PCLAF: variants seen among roughly 807,000 people sequenced by gnomAD.
The protein encoded by PCLAF is PCNA clamp associated factor.
PCLAF carries 12 observed loss-of-function variants against 15.1 expected under a neutral mutation model. The ratio of observed to expected loss-of-function variants is 0.79; its 90% CI spans 0.51 to 1.29. PCLAF has a LOEUF of 1.29. Among genes scored for constraint, PCLAF ranks in the 50% most tolerant of loss-of-function variants. The probability of loss-of-function intolerance (pLI) is 0.00; values close to 1 mark genes in which losing one functional copy is unlikely to be tolerated. For synonymous variants in PCLAF, 33 were observed against 47.1 expected (o/e 0.70, Z 1.22); for missense variants, 116 against 130.9 (o/e 0.89, Z 0.56).
intron 2 of PCLAF, among the ~76,000 whole-genome samples, chr15:64,377,855 G>A (rs1706859726): frequency 7.2e-6 from 1 of 138,920 alleles, no homozygotes; most frequent in African/African-American, 2.7e-5. Flanking sequence ...GGATTCAAGT[G>A]ATTCTCCTGC....
chr15:64,387,527 G>C, exon 1 of PCLAF: 1 of 1,311,348 alleles, frequency 7.6e-7, no homozygotes, highest in Non-Finnish European at 9.8e-7. Context: ...CAGCTTTCCG[G>C]GTATTGGTTT....
intron 3 of PCLAF, chr15:64,373,058 A>T (rs1899412821): frequency 6.6e-6 from 1 of 152,212 alleles, no homozygotes; most frequent in African/African-American, 2.4e-5. Context: ...TTAAATTAGG[A>T]TGGCTGAAAC....
At chr15:64,380,930 C>T (rs780875295) in intron 2 of PCLAF, 28 bp downstream of exon 2, 49 of 1,599,170 alleles carry the variant, frequency 3.1e-5, no homozygotes, top group Non-Finnish European at 3.9e-5. Context: ...CAGGACTGAT[C>T]CCCTAACTTT....
chr15:64,372,338 G>A (rs1159465606), intron 3 of PCLAF, among the ~76,000 whole-genome samples: 1 of 152,178 alleles, frequency 6.6e-6, no homozygotes, highest in South Asian at 2.1e-4. Context: ...TGCAGGGCTG[G>A]GTGCGATGGC....
At chr15:64,387,321 G>T in intron 1 of PCLAF, 1 of 396,982 alleles carries the variant, frequency 2.5e-6, no homozygotes, top group South Asian at 5.9e-5. Flanking sequence ...GGCGGAGCTT[G>T]CAGTGAGCCG....
intron 2 of PCLAF, among the ~76,000 whole-genome samples, chr15:64,379,042 T>C (rs1383218463): frequency 6.6e-6 from 1 of 152,196 alleles, no homozygotes; most frequent in Non-Finnish European, 1.5e-5. Context: ...ACCCATTTCA[T>C]ACATCCAATT....
intron 3 of PCLAF, among the ~76,000 whole-genome samples, chr15:64,375,177 T>G (rs547723086): frequency 6.6e-5 from 10 of 152,236 alleles, no homozygotes; most frequent in Non-Finnish European, 1.2e-4. Context: ...CAGGCTGGAG[T>G]GCAGTGGTGC....
At chr15:64,376,159 A>G (rs1899594721) in intron 3 of PCLAF, among the ~76,000 whole-genome samples, 1 of 152,114 alleles carries the variant, frequency 6.6e-6, no homozygotes, top group African/African-American at 2.4e-5. Context: ...TGGGAGGCGG[A>G]GGTTGCAGTG....
chr15:64,379,245 G>C (rs1476844438), intron 2 of PCLAF, among the ~76,000 whole-genome samples: 1 of 152,098 alleles, frequency 6.6e-6, no homozygotes, highest in African/African-American at 2.4e-5. Context: ...GGTAGGCTGA[G>C]GCGGGAGGAT....
chr15:64,385,909 T>C (rs569494875), upstream of PCLAF, among the ~76,000 whole-genome samples: 7 of 151,996 alleles, frequency 4.6e-5, no homozygotes, highest in African/African-American at 1.4e-4. Context: ...ACCTTGAGAC[T>C]TGAAGATTTC....
upstream of PCLAF, chr15:64,382,780 G>A: frequency 4.5e-6 from 1 of 221,712 alleles, no homozygotes; most frequent in Non-Finnish European, 9.2e-6. Context: ...TTCGAGACCA[G>A]CGTGGGCAAC....
chr15:64,387,306 C>G (rs1421835068), intron 1 of PCLAF: 3 of 307,984 alleles, frequency 9.7e-6, no homozygotes, highest in Non-Finnish European at 1.5e-5. Context: ...GGCATGAACC[C>G]GGGAGGCGGA....
Position 64,381,395 on chromosome 15 carries a change from G to T in PCLAF, c.-24C>A, listed in dbSNP as rs778101576. On this transcript the variant is annotated 5_prime_UTR_variant, in exon 1 of 4. Transcript: ENST00000300035. The stretch of plus-strand genomic sequence containing the variant: ...ATGTTCAAACAAGAAGAGAGGAGAG[G>T]AGAGAACGAACTGACTTCCCAGCCG... 1.2e-6 allele frequency: 2 copies of T among 1,614,004 alleles called. No homozygotes were observed. Among genetic ancestry groups the T allele is most frequent in the African/African-American group, 2.7e-5 (2 of 74,920 alleles).
At chr15:64,371,337 C>T (rs976206744) in intron 3 of PCLAF, among the ~76,000 whole-genome samples, 3 of 152,056 alleles carry the variant, frequency 2.0e-5, no homozygotes, top group African/African-American at 7.2e-5. Context: ...GCGATCTCAG[C>T]TCACTGCAAC....
intron 3 of PCLAF, among the ~76,000 whole-genome samples, chr15:64,367,422 G>A (rs1171988622): frequency 1.3e-5 from 2 of 151,558 alleles, no homozygotes; most frequent in Non-Finnish European, 2.9e-5. Flanking sequence ...AGAATTGCTT[G>A]AACCTAGGAG....
intron 3 of PCLAF, 111 bp downstream of exon 3, chr15:64,376,632 T>G (rs1056769289): frequency 2.7e-6 from 2 of 754,670 alleles, no homozygotes; most frequent in African/African-American, 3.5e-5. Context: ...TTGGACAGGC[T>G]GGTTTTGAAC....
rs1443006349 is a variant in PCLAF, at chr15:64,364,801, C to T, written c.*1229G>A. On this transcript the variant is annotated 3_prime_UTR_variant, in exon 4 of 4. Coordinates refer to ENST00000300035, the MANE Select transcript of PCLAF (RefSeq NM_014736.6). ...TCCCAGGTTCAAGCGATTCTCCTGC[C>T]TCAGCCTCCTGAGTAGCTGGGATTA... 1 of 151,214 alleles carries T rather than the reference C, an allele frequency of 6.6e-6. No homozygotes were observed. The highest frequency in any genetic ancestry group is 6.6e-5 in the Admixed American group (1 of 15,178). The allele number at this position is 151,214 out of a possible 1,614,324, so 9.4% of individuals were successfully genotyped here.
At chr15:64,386,218 A>G (rs1237835828), upstream of PCLAF, among the ~76,000 whole-genome samples, 5 of 151,884 alleles carry the variant, frequency 3.3e-5, no homozygotes. Flanking sequence ...TTCACAGAGT[A>G]TTTTGACTTT....
At chr15:64,384,705 G>A (rs1032448838), upstream of PCLAF, among the ~76,000 whole-genome samples, 6 of 148,486 alleles carry the variant, frequency 4.0e-5, no homozygotes, top group African/African-American at 1.2e-4. Context: ...TCATGCCATT[G>A]CACTCCAGCC....
Sources: allele counts gnomAD v4.1 joint callset (sites outside exome capture counted in the v4.1 genomes callset), GRCh38; gene constraint gnomAD v4.1.1; transcripts MANE v1.5; gene names NCBI Gene and HGNC (gene_info 2026-07-23, HGNC 2026-07-21).